Variants in DNAAF11 observed in about 807,000 individuals in gnomAD.
The protein encoded by DNAAF11 is dynein axonemal assembly factor 11, also known as leucine rich repeat containing 6.
Under a neutral mutation model 60.8 loss-of-function variants are expected in DNAAF11, and 45 were observed. The ratio of observed to expected loss-of-function variants is 0.74; its 90% CI spans 0.58 to 0.95. The LOEUF is 0.95. Among genes scored for constraint, DNAAF11 ranks in the 40% least tolerant of loss-of-function variants. The pLI is 0.00. For missense variants in DNAAF11, 546 were observed against 546.2 expected (o/e 1.00, Z 0.00); for synonymous variants, 191 against 183.5 (o/e 1.04, Z -0.33).
chr8:132,677,633 A>G (rs1254765103), upstream of DNAAF11, among the ~76,000 whole-genome samples: 9 of 152,088 alleles, frequency 5.9e-5, no homozygotes, highest in Admixed American at 5.9e-4. Context: ...AGTCCCAGCT[A>G]CTTGGGAGGC....
At chr8:132,694,184 T>C in the DNAAF11 span, among the ~76,000 whole-genome samples, 12 of 152,310 alleles carry the variant, frequency 7.9e-5, no homozygotes, top group East Asian at 1.5e-3. Context: ...GTGCATCAGA[T>C]GTGGATATGG....
chr8:132,584,898 C>T (rs922399901), intron 10 of DNAAF11, among the ~76,000 whole-genome samples: 1 of 152,128 alleles, frequency 6.6e-6, no homozygotes, highest in Non-Finnish European at 1.5e-5. Flanking sequence ...GCATGTGTCT[C>T]GACTTACAGT....
intron 2 of DNAAF11, among the ~76,000 whole-genome samples, chr8:132,661,248 C>G (rs1824100391): frequency 6.6e-6 from 1 of 151,932 alleles, no homozygotes; most frequent in South Asian, 2.1e-4. Context: ...TCACCTTTAC[C>G]TGCTCTCCCA....
chr8:132,634,892 C>T (rs1414310334), intron 4 of DNAAF11, among the ~76,000 whole-genome samples: 1 of 151,308 alleles, frequency 6.6e-6, no homozygotes, highest in Non-Finnish European at 1.5e-5. Flanking sequence ...CCAACAGAAC[C>T]CTGGGGAGCA....
At chr8:132,606,041 T>C (rs1258067655) in intron 10 of DNAAF11, among the ~76,000 whole-genome samples, 2 of 152,134 alleles carry the variant, frequency 1.3e-5, no homozygotes, top group African/African-American at 2.4e-5. Context: ...TCATATACAA[T>C]GGTGGTCCCA....
intron 7 of DNAAF11, among the ~76,000 whole-genome samples, chr8:132,616,417 A>G (rs1218618881): frequency 6.6e-6 from 1 of 152,120 alleles, no homozygotes; most frequent in African/African-American, 2.4e-5. Flanking sequence ...TCCAAGCAAG[A>G]GTTAGTGTCC....
At position 132,610,131 on chromosome 8, in the gene DNAAF11, C is replaced by T. The variant is rs546989399; in HGVS notation, c.1140+35G>A. On this transcript the variant is annotated intron_variant, in intron 10 of 11. Transcript: ENST00000620350. ...CAAGTTCCTTCAGGAACCCTCATATCCAGACTTGAAATTGACCCAAATGAC... is the reference window on the plus strand; with the variant it reads ...CAAGTTCCTTCAGGAACCCTCATATTCAGACTTGAAATTGACCCAAATGAC... 4.0e-6 allele frequency: 6 copies of T among 1,490,032 alleles called. No homozygotes were observed. In the African/African-American group the frequency reaches 8.3e-5, roughly 21 times the overall value. The allele number at this position is 1,490,032 out of a possible 1,614,324, so 92.3% of individuals were successfully genotyped here. A position where few individuals can be genotyped will look rare whatever the true frequency, so the allele number is the denominator to read the frequency against.
At chr8:132,584,199 G>A (rs377304221) in intron 10 of DNAAF11, among the ~76,000 whole-genome samples, 7 of 152,196 alleles carry the variant, frequency 4.6e-5, no homozygotes, top group South Asian at 2.1e-4. Flanking sequence ...GGCTCACTGC[G>A]CCCTGGTTTC....
At chr8:132,573,264 T>C (rs1814404401) in intron 11 of DNAAF11, among the ~76,000 whole-genome samples, 1 of 152,204 alleles carries the variant, frequency 6.6e-6, no homozygotes, top group Non-Finnish European at 1.5e-5. Flanking sequence ...TCAGTCAAAT[T>C]GTTTTGGAAT....
At chr8:132,625,226 T>C (rs934328127) in intron 6 of DNAAF11, 46 bp downstream of exon 6, 1 of 1,401,398 alleles carries the variant, frequency 7.1e-7, no homozygotes, top group Non-Finnish European at 9.7e-7. Flanking sequence ...AAAAATATAG[T>C]TGATAAGTGG....
intron 10 of DNAAF11, among the ~76,000 whole-genome samples, chr8:132,584,664 C>T (rs975784276): frequency 5.3e-5 from 8 of 152,154 alleles, no homozygotes; most frequent in African/African-American, 1.9e-4. Context: ...CCTCTCTACC[C>T]TCACCAGGTC....
At chr8:132,674,112 C>A (rs35305679) in intron 1 of DNAAF11, among the ~76,000 whole-genome samples, 6,812 of 46,304 alleles carry the variant, frequency 0.15, 330 homozygotes, top group Middle Eastern at 0.2. Context: ...GGAGGAGGAG[C>A]AGGAGGAGGA....
At chr8:132,686,808 A>G in the DNAAF11 span, among the ~76,000 whole-genome samples, 3 of 152,180 alleles carry the variant, frequency 2.0e-5, no homozygotes, top group Admixed American at 2.0e-4. Context: ...GGAAGAATGG[A>G]GAAGGAATGG....
At chr8:132,694,646 A>T in the DNAAF11 span, among the ~76,000 whole-genome samples, 1 of 152,242 alleles carries the variant, frequency 6.6e-6, no homozygotes, top group African/African-American at 2.4e-5. Context: ...ATTAACTAAG[A>T]TAGTGAAGAC....
At chr8:132,681,149 T>G in the DNAAF11 span, among the ~76,000 whole-genome samples, 1 of 150,918 alleles carries the variant, frequency 6.6e-6, no homozygotes, top group Non-Finnish European at 1.5e-5. Flanking sequence ...TAGCTGGGAT[T>G]AAAGGCATGC....
intron 10 of DNAAF11, among the ~76,000 whole-genome samples, chr8:132,593,324 T>TATAC (rs1029275849): frequency 1.1e-4 from 12 of 106,796 alleles, no homozygotes; most frequent in African/African-American, 2.1e-4. Context: ...TCAAAGAATA[T>TATAC]ATACATACAT....
chr8:132,619,335 T>G (rs1244053263), intron 7 of DNAAF11, among the ~76,000 whole-genome samples: 1 of 152,054 alleles, frequency 6.6e-6, no homozygotes, highest in Non-Finnish European at 1.5e-5. Context: ...CACTGGGAGA[T>G]ATACCTAATG....
chr8:132,612,193 A>C (rs1229631979), intron 8 of DNAAF11, among the ~76,000 whole-genome samples: 1 of 152,158 alleles, frequency 6.6e-6, no homozygotes, highest in African/African-American at 2.4e-5. Flanking sequence ...CTCTTCTGTA[A>C]AATGGGGATA....
At chr8:132,667,832 A>G (rs911313200) in intron 1 of DNAAF11, among the ~76,000 whole-genome samples, 2 of 152,194 alleles carry the variant, frequency 1.3e-5, no homozygotes, top group Non-Finnish European at 2.9e-5. Flanking sequence ...TGCAGGGAGC[A>G]GGGACAGAGG....
Sources: allele counts gnomAD v4.1 joint callset (sites outside exome capture counted in the v4.1 genomes callset), GRCh38; gene constraint gnomAD v4.1.1; transcripts MANE v1.5; gene names NCBI Gene and HGNC (gene_info 2026-07-23, HGNC 2026-07-21).